The following RFC4 variants were observed in gnomAD, a reference collection of about 807,000 sequenced individuals.
RFC4 encodes the protein replication factor C subunit 4, also known as A1 37 kDa subunit.
A neutral mutation model predicts 47.6 loss-of-function variants in RFC4; 38 were observed. That is an observed-to-expected ratio of 0.80 (90% CI 0.62 to 1.05). RFC4 has a LOEUF of 1.05. Ranked by LOEUF, RFC4 falls within the 50% of genes least tolerant of loss-of-function variation. RFC4 has a pLI of 0.00. For missense variants in RFC4, 489 were observed against 434.0 expected (o/e 1.13, Z -1.13); for synonymous variants, 164 against 150.0 (o/e 1.09, Z -0.68).
chr3:186,804,743 G>GAA lies in RFC4; in HGVS notation c.-11-21_-11-20dup. 1.3e-6 allele frequency: 2 copies of GAA among 1,552,862 alleles called. No homozygotes were observed. The highest frequency in any genetic ancestry group is 8.7e-7 in the Non-Finnish European group (1 of 1,149,002). On this transcript the variant is annotated intron_variant, in intron 1 of 10. Coordinates refer to ENST00000296273, the MANE Select transcript of RFC4 (RefSeq NM_002916.5). ...CTTCACCCTGGTCAGGTGCAAGACAGAAAAAAAAAGCTTTTATTGAAACTT... is the reference window on the plus strand; with the variant it reads ...CTTCACCCTGGTCAGGTGCAAGACAGAAAAAAAAAAAGCTTTTATTGAAACTT...
At chr3:186,794,369 G>A (rs1722201674) in intron 5 of RFC4, among the ~76,000 whole-genome samples, 2 of 152,136 alleles carry the variant, frequency 1.3e-5, no homozygotes, top group Non-Finnish European at 2.9e-5. Flanking sequence ...ATCAATTTAA[G>A]GTGCATATCA....
chr3:186,790,327 T>C lies in RFC4; in HGVS notation c.881A>G (p.Lys294Arg). 6.2e-7 allele frequency: 1 copy of C among 1,613,538 alleles called. No homozygotes were observed. Among genetic ancestry groups the C allele is most frequent in the Non-Finnish European group, 8.5e-7 (1 of 1,179,422 alleles). The change falls in exon 9 of 11, where the codon AAG becomes AGG. Residue 294 changes from lysine (K) to arginine (R), a missense_variant and splice_region_variant. By Grantham distance (26) the Lys-to-Arg change is conservative (BLOSUM62 2). Transcript: ENST00000296273. Reference protein sequence around the residue: ...GSFDKLEAVVKDLIDEGHAAT... With the variant: ...GSFDKLEAVVRDLIDEGHAAT... ...CCAAAGTTAGTAAGCTGACTTTACC[T>C]TGACCACAGCTTCTAGTTTGTCAAA...
chr3:186,804,959 C>A (rs561630120), intron 1 of RFC4: 5 of 355,950 alleles, frequency 1.4e-5, no homozygotes, highest in East Asian at 4.4e-5. Context: ...AAGTCCCTAA[C>A]GAACTTAGAA....
At chr3:186,803,561 T>C (rs1722404963) in intron 2 of RFC4, among the ~76,000 whole-genome samples, 1 of 151,688 alleles carries the variant, frequency 6.6e-6, no homozygotes, top group African/African-American at 2.4e-5. Flanking sequence ...TGGAATGCAG[T>C]GGTGTGATCT....
chr3:186,791,463 C>CT (rs1293482843), intron 8 of RFC4: 2 of 409,476 alleles, frequency 4.9e-6, no homozygotes, highest in African/African-American at 4.1e-5. Flanking sequence ...CAGCAAGACT[C>CT]TGTCTCAAAA....
chr3:186,792,983 T>C lies in RFC4; in HGVS notation c.411-36A>G, dbSNP rs376346195. On this transcript the variant is annotated intron_variant, in intron 5 of 10. Coordinates refer to ENST00000296273, the MANE Select transcript of RFC4 (RefSeq NM_002916.5). ...GAAACACATAAGAGTTGAACATTAA[T>C]ATGTATATTGGTTTTAACAGCTTTG... 44 of 1,584,920 alleles carry C rather than the reference T, an allele frequency of 2.8e-5. 1 individual carries two copies. The Middle Eastern group carries it at 6.7e-4, about 24-fold the overall frequency.
intron 3 of RFC4, among the ~76,000 whole-genome samples, chr3:186,799,935 A>G (rs1025557505): frequency 8.5e-5 from 13 of 152,190 alleles, no homozygotes; most frequent in Admixed American, 6.5e-4. Flanking sequence ...TATTTGTGTT[A>G]TTTATTTTTT....
intron 8 of RFC4, 89 bp from the exon 9 acceptor site, chr3:186,790,495 T>C (rs1459920075): frequency 1.1e-6 from 1 of 882,214 alleles, no homozygotes; most frequent in Non-Finnish European, 1.9e-6. Flanking sequence ...CCCAGTCATT[T>C]CTGTTCCACA....
At chr3:186,804,540 G>A in intron 2 of RFC4, 43 bp downstream of exon 2, 3 of 1,580,930 alleles carry the variant, frequency 1.9e-6, no homozygotes, top group Non-Finnish European at 2.6e-6. Context: ...TGGTTAGAGA[G>A]ATAATTTATG....
intron 3 of RFC4, 75 bp from the exon 4 acceptor site, chr3:186,797,689 G>A (rs1394389115): frequency 9.5e-7 from 1 of 1,051,626 alleles, no homozygotes; most frequent in Non-Finnish European, 1.4e-6. Context: ...CGAAAAAAAT[G>A]TCTGTGGAAT....
Position 186,789,911 on chromosome 3 carries a change from A to G in RFC4, c.*58T>C. 3 of 1,125,786 alleles carry G rather than the reference A, an allele frequency of 2.7e-6. No homozygotes were observed. The highest frequency in any genetic ancestry group is 3.9e-6 in the Non-Finnish European group (3 of 761,696). 69.7% of individuals were successfully genotyped at this position (1,125,786 alleles called of 1,614,324 possible). On this transcript the variant is annotated 3_prime_UTR_variant, in exon 11 of 11. Coordinates refer to ENST00000296273, the MANE Select transcript of RFC4 (RefSeq NM_002916.5). ...ATTCACTTTAAAGGTGCTTTTGGTC[A>G]TTTTATTTTTATTACAACTTCATTA...
Position 186,801,710 on chromosome 3 carries a change from C to CAAAAAA in RFC4, c.132-521_132-516dup, listed in dbSNP as rs34281312. 5.0e-3 allele frequency among the ~76,000 whole-genome samples: 368 copies of CAAAAAA among 72,904 alleles called. 8 individuals are homozygous for CAAAAAA. The highest frequency in any genetic ancestry group is 0.02 in the African/African-American group (352 of 17,848). 47.8% of individuals were successfully genotyped at this position (72,904 alleles called of 152,430 possible). A position where few individuals can be genotyped will look rare whatever the true frequency, so the allele number is the denominator to read the frequency against. On this transcript the variant is annotated intron_variant, in intron 2 of 10. Coordinates refer to ENST00000296273, the MANE Select transcript of RFC4 (RefSeq NM_002916.5). ...TGGGTGACAGAGGGAGACTCTGTCTCAAAAAAAAAAAAAAAAAAAAAGAAA... is the reference window on the plus strand; with the variant it reads ...TGGGTGACAGAGGGAGACTCTGTCTCAAAAAAAAAAAAAAAAAAAAAAAAAAAGAAA...
chr3:186,798,701 C>T (rs1291474500), intron 3 of RFC4, among the ~76,000 whole-genome samples: 4 of 152,084 alleles, frequency 2.6e-5, no homozygotes, highest in Non-Finnish European at 5.9e-5. Flanking sequence ...GAGTCTGATC[C>T]TCTTCTTTCT....
intron 3 of RFC4, among the ~76,000 whole-genome samples, chr3:186,798,352 G>C (rs1722284023): frequency 6.6e-6 from 1 of 152,054 alleles, no homozygotes; most frequent in African/African-American, 2.4e-5. Flanking sequence ...ATTCTAATGA[G>C]CTCTGTTATG....
At chr3:186,798,383 T>A (rs1722284974) in intron 3 of RFC4, among the ~76,000 whole-genome samples, 1 of 152,198 alleles carries the variant, frequency 6.6e-6, no homozygotes, top group African/African-American at 2.4e-5. Flanking sequence ...ATCTTCAGTA[T>A]GTCCTGTCAC....
At chr3:186,802,389 AG>A (rs2108473264) in intron 2 of RFC4, among the ~76,000 whole-genome samples, 1 of 152,338 alleles carries the variant, frequency 6.6e-6, no homozygotes, top group South Asian at 2.1e-4. Flanking sequence ...TAAGATGAAA[AG>A]GGAAAACCAT....
Position 186,792,964 on chromosome 3 carries a change from C to G in RFC4, c.411-17G>C. ...GGCTTCCCACTGATTCAGAGAAACA[C>G]ATAAGAGTTGAACATTAATATGTAT... On this transcript the variant is annotated splice_polypyrimidine_tract_variant and intron_variant, in intron 5 of 10. Transcript: ENST00000296273. The G allele has an allele frequency of 6.2e-7, 1 of 1,607,254 alleles. No individual in the cohort carries two copies. Among genetic ancestry groups the G allele is most frequent in the Non-Finnish European group, 8.5e-7 (1 of 1,177,030 alleles).
In RFC4 at chr3:186,792,873, G is replaced by C; in HGVS notation, c.485C>G (p.Ala162Gly). 6.2e-7 allele frequency: 1 copy of C among 1,614,016 alleles called. No individual in the cohort carries two copies. The highest frequency in any genetic ancestry group is 8.5e-7 in the Non-Finnish European group (1 of 1,179,920). ...ADSMTSAAQA[A>G]LRRTMEKESK... ...CTCCTTCTCCATGGTACGTCTTAAA[G>C]CTGCCTGAGCAGCTGAGGTCATAGA... The change falls in exon 6 of 11, where the codon GCT becomes GGT. Residue 162 changes from alanine (A) to glycine (G), a missense_variant. Physicochemically the swap from Ala to Gly is moderately conservative, Grantham distance 60. This residue lies in a region of RFC4 where 206 missense variants were observed against 257.8 expected (regional missense o/e 0.80). Transcript: ENST00000296273.
At chr3:186,804,904 T>G (rs1309605713) in intron 1 of RFC4, 180 bp from the exon 2 acceptor site, 1 of 565,520 alleles carries the variant, frequency 1.8e-6, no homozygotes, top group Non-Finnish European at 3.1e-6. Flanking sequence ...CCTAGGACAC[T>G]CTGAATGCAC....
Sources: gnomAD v4.1 joint callset for allele counts (sites outside exome capture counted in the v4.1 genomes callset) on GRCh38, gnomAD v4.1.1 for gene constraint, gnomAD v4.1.1 regional missense constraint, MANE v1.5 for transcripts, NCBI Gene and HGNC (gene_info 2026-07-23, HGNC 2026-07-21) for gene names.